The following HERC3 variants were observed in gnomAD, a reference collection of about 807,000 sequenced individuals.
The protein encoded by HERC3 is probable E3 ubiquitin-protein ligase HERC3.
Under a neutral mutation model 129.9 loss-of-function variants are expected in HERC3, and 58 were observed. The ratio of observed to expected loss-of-function variants is 0.45; its 90% CI spans 0.36 to 0.56. The LOEUF (loss-of-function observed/expected upper bound fraction) is 0.56, where lower values mean the gene tolerates loss of function less well. Among genes scored for constraint, HERC3 ranks in the 20% least tolerant of loss-of-function variants. HERC3 has a pLI of 0.00. For synonymous variants in HERC3, 430 were observed against 451.0 expected, an observed-to-expected ratio of 0.95 and a Z score of 0.59; for missense variants, 835 against 1,244.2, an observed-to-expected ratio of 0.67 and a Z score of 4.95.
In HERC3 at chr4:88,688,065, A is replaced by G. The variant is rs756880902; in HGVS notation, c.2657+766A>G. On this transcript the variant is annotated intron_variant, in intron 23 of 25. Coordinates refer to ENST00000402738, the MANE Select transcript of HERC3 (RefSeq NM_014606.3). ...GGGATTAGTTGAGAAGGGTCAATGTATGGAATAATTGCAATAGAATCCAGT... is the reference window on the plus strand; with the variant it reads ...GGGATTAGTTGAGAAGGGTCAATGTGTGGAATAATTGCAATAGAATCCAGT... 2.2e-4 allele frequency among the ~76,000 whole-genome samples: 33 copies of G among 152,208 alleles called. 1 individual carries two copies. Among genetic ancestry groups the G allele is most frequent in the Non-Finnish European group, 8.8e-5 (6 of 68,038 alleles).
At chr4:88,617,917 A>AC (rs928141134) in intron 3 of HERC3, among the ~76,000 whole-genome samples, 1 of 150,828 alleles carries the variant, frequency 6.6e-6, no homozygotes, top group Non-Finnish European at 1.5e-5. Flanking sequence ...AAAAGTGGGG[A>AC]CCATTATGCC....
intron 4 of HERC3, among the ~76,000 whole-genome samples, chr4:88,650,206 G>A (rs1729126703): frequency 6.6e-6 from 1 of 152,138 alleles, no homozygotes; most frequent in East Asian, 1.9e-4. Context: ...AGTCGGTTGG[G>A]AACTGTACTT....
chr4:88,554,345 CA>C, the HERC3 span, among the ~76,000 whole-genome samples: 309 of 59,828 alleles, frequency 5.2e-3, no homozygotes, highest in African/African-American at 6.7e-3. Flanking sequence ...ACTCCATCTC[CA>C]AAAAAAAAAA....
chr4:88,679,738 G>A (rs3017916), intron 19 of HERC3, among the ~76,000 whole-genome samples: 5,726 of 152,042 alleles, frequency 0.038, 309 homozygotes, highest in East Asian at 0.26. Context: ...GGCTGGTCTC[G>A]AACTCCTGAC....
At chr4:88,685,564 A>T (rs1018649216) in intron 21 of HERC3, among the ~76,000 whole-genome samples, 1 of 152,148 alleles carries the variant, frequency 6.6e-6, no homozygotes, top group East Asian at 1.9e-4. Context: ...ATGTGGACAC[A>T]GGGAGGGGAA....
intron 16 of HERC3, among the ~76,000 whole-genome samples, chr4:88,674,215 G>T (rs937350190): frequency 6.6e-6 from 1 of 152,082 alleles, no homozygotes; most frequent in African/African-American, 2.4e-5. Flanking sequence ...GGGGTGCAGG[G>T]AGGCTCAAGG....
chr4:88,590,140 C>A (rs777803588), upstream of HERC3, among the ~76,000 whole-genome samples: 2 of 152,002 alleles, frequency 1.3e-5, no homozygotes, highest in East Asian at 3.9e-4. Context: ...TGGTGGTGAG[C>A]GCCTGTAATC....
chr4:88,650,526 A>G (rs1729158309), intron 4 of HERC3, among the ~76,000 whole-genome samples: 1 of 152,240 alleles, frequency 6.6e-6, no homozygotes, highest in African/African-American at 2.4e-5. Context: ...TGATTTAGCT[A>G]AGTATCTAAT....
chr4:88,608,201 C>T (rs1213461711), intron 3 of HERC3, among the ~76,000 whole-genome samples: 4 of 152,088 alleles, frequency 2.6e-5, no homozygotes, highest in African/African-American at 9.7e-5. Context: ...TTATGTTGCC[C>T]ATTGGAAAGA....
chr4:88,544,492 A>G, the HERC3 span, among the ~76,000 whole-genome samples: 2 of 152,258 alleles, frequency 1.3e-5, no homozygotes, highest in Non-Finnish European at 2.9e-5. Flanking sequence ...TCATTCAACC[A>G]TTGTGGAAGG....
chr4:88,553,303 C>T, the HERC3 span, among the ~76,000 whole-genome samples: 7 of 152,256 alleles, frequency 4.6e-5, no homozygotes, highest in African/African-American at 1.7e-4. Flanking sequence ...AATCTAAAAC[C>T]AATATCCAGC....
At chr4:88,540,828 A>G in the HERC3 span, among the ~76,000 whole-genome samples, 9 of 152,210 alleles carry the variant, frequency 5.9e-5, no homozygotes, top group African/African-American at 1.7e-4. Context: ...AGAATTTCAT[A>G]TCCAGCCAAA....
intron 3 of HERC3, among the ~76,000 whole-genome samples, chr4:88,641,792 A>G (rs373381140): frequency 6.6e-6 from 1 of 152,142 alleles, no homozygotes; most frequent in Non-Finnish European, 1.5e-5. Context: ...TATAACTATA[A>G]AGAATGGAAT....
chr4:88,579,944 T>C, the HERC3 span, among the ~76,000 whole-genome samples: 5 of 152,008 alleles, frequency 3.3e-5, no homozygotes, highest in African/African-American at 1.2e-4. Flanking sequence ...TCTCCTGGAG[T>C]CTCCAGAGGG....
intron 16 of HERC3, among the ~76,000 whole-genome samples, chr4:88,671,919 T>A (rs1313825729): frequency 1.3e-5 from 2 of 152,208 alleles, no homozygotes; most frequent in African/African-American, 4.8e-5. Flanking sequence ...CTGTTTTCAC[T>A]TTCAAATTTA....
the HERC3 span, among the ~76,000 whole-genome samples, chr4:88,552,141 G>A: frequency 6.6e-6 from 1 of 151,092 alleles, no homozygotes; most frequent in Non-Finnish European, 1.5e-5. Context: ...TTGTGGGGTG[G>A]GGGGAGGCGG....
chr4:88,653,061 C>T lies in HERC3; in HGVS notation c.656C>T (p.Ala219Val). 6 of 1,614,158 alleles carry T rather than the reference C, an allele frequency of 3.7e-6. No individual in the cohort carries two copies. Among genetic ancestry groups the T allele is most frequent in the Middle Eastern group, 1.7e-4 (1 of 6,058 alleles). Residue 219 changes from alanine (A) to valine (V), a missense_variant, in exon 6 of 26, where the codon GCC becomes GTC. By Grantham distance (64) the Ala-to-Val change is moderately conservative. Coordinates refer to ENST00000402738, the MANE Select transcript of HERC3 (RefSeq NM_014606.3). ...GTTTTTGGCTGGGGGATGAATAATG[C>T]CGGGCAGCTAGGGCTCAGTGATGAA... ...GAVFGWGMNN[A>V]GQLGLSDEKD...
chr4:88,572,587 T>G, the HERC3 span, among the ~76,000 whole-genome samples: 106 of 151,976 alleles, frequency 7.0e-4, no homozygotes, highest in African/African-American at 1.7e-3. Flanking sequence ...AAGGTGGGTG[T>G]ATCACGAGGT....
At chr4:88,550,533 A>G in the HERC3 span, among the ~76,000 whole-genome samples, 1 of 152,160 alleles carries the variant, frequency 6.6e-6, no homozygotes, top group African/African-American at 2.4e-5. Flanking sequence ...TCCCATTCAC[A>G]ATTGCTTCAA....
Sources: gnomAD v4.1 joint callset for allele counts (sites outside exome capture counted in the v4.1 genomes callset) on GRCh38, gnomAD v4.1.1 for gene constraint, MANE v1.5 for transcripts, NCBI Gene and HGNC (gene_info 2026-07-23, HGNC 2026-07-21) for gene names.